Variants in B3GALT1 observed in about 807,000 individuals in gnomAD.
B3GALT1 encodes beta-1,3-galactosyltransferase 1.
Under a neutral mutation model 23.2 loss-of-function variants are expected in B3GALT1, and 10 were observed. The ratio of observed to expected loss-of-function variants is 0.43; its 90% CI spans 0.27 to 0.73. The LOEUF (loss-of-function observed/expected upper bound fraction) is 0.73, where lower values mean the gene tolerates loss of function less well. B3GALT1 is among the 30% of genes least tolerant of loss of function. The pLI is 0.21. For missense variants in B3GALT1, 299 were observed against 405.4 expected, an observed-to-expected ratio of 0.74 and a Z score of 2.25; for synonymous variants, 156 against 141.5, an observed-to-expected ratio of 1.10 and a Z score of -0.73.
chr2:167,576,305 T>C (rs899650126), intron 2 of B3GALT1, among the ~76,000 whole-genome samples: 1 of 151,794 alleles, frequency 6.6e-6, no homozygotes, highest in African/African-American at 2.4e-5. Flanking sequence ...CTCAAAAATA[T>C]TTTTCTGATC....
intron 3 of B3GALT1, among the ~76,000 whole-genome samples, chr2:167,701,468 T>TA (rs1686881300): frequency 6.6e-6 from 1 of 152,090 alleles, no homozygotes; most frequent in African/African-American, 2.4e-5. Flanking sequence ...CTGCATCCTA[T>TA]AAAGATACCT....
At chr2:167,819,573 C>T (rs1225676877) in intron 4 of B3GALT1, among the ~76,000 whole-genome samples, 1 of 152,158 alleles carries the variant, frequency 6.6e-6, no homozygotes, top group African/African-American at 2.4e-5. Flanking sequence ...TCCTATCTTT[C>T]CCATCATAGC....
intron 4 of B3GALT1, among the ~76,000 whole-genome samples, chr2:167,856,003 G>A (rs1306447572): frequency 6.6e-6 from 1 of 151,782 alleles, no homozygotes; most frequent in Non-Finnish European, 1.5e-5. Context: ...ATCTCTAAAG[G>A]GCCAAGTAAA....
chr2:167,294,551 T>TA (rs1325036503), intron 1 of B3GALT1, among the ~76,000 whole-genome samples: 1 of 152,182 alleles, frequency 6.6e-6, no homozygotes, highest in Non-Finnish European at 1.5e-5. Context: ...CGCACAAACT[T>TA]ACTCTTGGCG....
At position 167,476,554 on chromosome 2, in the gene B3GALT1, G is replaced by C. The variant is rs1225016587; in HGVS notation, c.-510-13623G>C. On this transcript the variant is annotated intron_variant, in intron 1 of 4. Transcript: ENST00000392690. ...CAGCTTCTTGGTTTTTCCTTTCAAG[G>C]GGGGATACTGTGGACAGTTTTGGAA... Among the ~76,000 whole-genome samples the C allele has an allele frequency of 3.9e-5, 6 of 152,188 alleles. No individual in the cohort carries two copies. In the South Asian group the frequency reaches 8.3e-4, roughly 21 times the overall value.
intron 3 of B3GALT1, among the ~76,000 whole-genome samples, chr2:167,738,408 G>A (rs959281217): frequency 6.6e-6 from 1 of 152,144 alleles, no homozygotes; most frequent in East Asian, 1.9e-4. Flanking sequence ...AGTAAAATCA[G>A]TCAGTATTGG....
intron 2 of B3GALT1, among the ~76,000 whole-genome samples, chr2:167,627,548 C>A (rs1364408576): frequency 6.6e-6 from 1 of 151,618 alleles, no homozygotes; most frequent in African/African-American, 2.4e-5. Context: ...TATGAATGTA[C>A]CACAATTTGT....
intron 3 of B3GALT1, among the ~76,000 whole-genome samples, chr2:167,698,089 G>A (rs1574218906): frequency 6.6e-6 from 1 of 152,154 alleles, no homozygotes; most frequent in Non-Finnish European, 1.5e-5. Flanking sequence ...CCAGCGCTAT[G>A]GTTTCTGGGC....
intron 2 of B3GALT1, among the ~76,000 whole-genome samples, chr2:167,605,938 A>G (rs570766808): frequency 2.6e-5 from 4 of 152,304 alleles, no homozygotes; most frequent in African/African-American, 9.6e-5. Flanking sequence ...CCATAGAGAA[A>G]GATTATAGGG....
chr2:167,665,729 A>G lies in B3GALT1; in HGVS notation c.-352+18763A>G, dbSNP rs1162644224. On this transcript the variant is annotated intron_variant, in intron 3 of 4. Transcript: ENST00000392690. ...GTCGAGGAATTTATCCATTTCTTTT[A>G]GATTTTCTAGTTTATTTGCGTAGAG... Among the ~76,000 whole-genome samples the G allele has an allele frequency of 2.0e-5, 3 of 152,148 alleles. No individual in the cohort carries two copies. The East Asian group carries it at 5.8e-4, about 29-fold the overall frequency.
At chr2:167,752,516 G>GTT (rs540744772) in intron 3 of B3GALT1, among the ~76,000 whole-genome samples, 11 of 144,158 alleles carry the variant, frequency 7.6e-5, no homozygotes, top group African/African-American at 2.5e-4. Flanking sequence ...TACTCTATTT[G>GTT]TTTTTTTTTT....
intron 3 of B3GALT1, among the ~76,000 whole-genome samples, chr2:167,668,649 C>T (rs1460745265): frequency 1.3e-5 from 2 of 152,212 alleles, no homozygotes; most frequent in African/African-American, 4.8e-5. Flanking sequence ...ATATAATCTC[C>T]TGGTGCGCCG....
chr2:167,389,526 C>T (rs1287955962), intron 1 of B3GALT1, among the ~76,000 whole-genome samples: 1 of 152,074 alleles, frequency 6.6e-6, no homozygotes, highest in Non-Finnish European at 1.5e-5. Context: ...GGGAGATCAA[C>T]CAAATACTTC....
chr2:167,600,283 G>A (rs1730701), intron 2 of B3GALT1, among the ~76,000 whole-genome samples: 3,345 of 152,140 alleles, frequency 0.022, 133 homozygotes, highest in African/African-American at 0.075. Flanking sequence ...TATTGAGAAC[G>A]GCCAGTAGTC....
chr2:167,642,367 T>C (rs1247833087), intron 2 of B3GALT1, among the ~76,000 whole-genome samples: 2 of 152,216 alleles, frequency 1.3e-5, no homozygotes, highest in African/African-American at 4.8e-5. Flanking sequence ...AAGTAAAAAT[T>C]TTGGACTATA....
At chr2:167,364,339 G>T (rs57982523) in intron 1 of B3GALT1, among the ~76,000 whole-genome samples, 4,928 of 146,286 alleles carry the variant, frequency 0.034, 113 homozygotes, top group African/African-American at 0.067. Flanking sequence ...TATATATATA[G>T]TTTTTTTTTT....
At chr2:167,361,175 T>TTCAGATATC (rs1443573135) in intron 1 of B3GALT1, among the ~76,000 whole-genome samples, 1 of 151,860 alleles carries the variant, frequency 6.6e-6, no homozygotes, top group African/African-American at 2.4e-5. Context: ...AACATGTGAG[T>TTCAGATATC]TCAGATATCT....
chr2:167,458,969 C>A (rs898776939), intron 1 of B3GALT1, among the ~76,000 whole-genome samples: 1 of 152,142 alleles, frequency 6.6e-6, no homozygotes, highest in African/African-American at 2.4e-5. Context: ...CTGGAATATT[C>A]TTTCCATCCT....
chr2:167,490,082 A>T (rs1258775654), intron 1 of B3GALT1, 95 bp from the exon 2 acceptor site: 1 of 152,198 alleles, frequency 6.6e-6, no homozygotes, highest in East Asian at 1.9e-4. Context: ...AAATTTTATG[A>T]ACTGGTAAAA....
Sources: allele counts gnomAD v4.1 joint callset (sites outside exome capture counted in the v4.1 genomes callset), GRCh38; gene constraint gnomAD v4.1.1; transcripts MANE v1.5; gene names NCBI Gene and HGNC (gene_info 2026-07-23, HGNC 2026-07-21).